Variants in TPRX1 observed in about 807,000 individuals in gnomAD.
The protein encoded by TPRX1 is tetrapeptide repeat homeobox 1, also known as tetra-peptide repeat homeobox protein 1.
Under a neutral mutation model 8.1 loss-of-function variants are expected in TPRX1, and 2 were observed. The ratio of observed to expected loss-of-function variants is 0.25; its 90% CI spans 0.10 to 0.78. TPRX1 has a LOEUF of 0.78. Among genes scored for constraint, TPRX1 ranks in the 30% least tolerant of loss-of-function variants. TPRX1 has a pLI of 0.70. For missense variants in TPRX1, 517 were observed against 586.9 expected (o/e 0.88, Z 1.23); for synonymous variants, 257 against 254.1 (o/e 1.01, Z -0.11).
chr19:47,802,471 T>C, exon 4 of TPRX1: 2 of 1,541,274 alleles, frequency 1.3e-6, no homozygotes, highest in South Asian at 1.2e-5. Context: ...GGTTTGGGCC[T>C]GGGATCGGGC....
rs55970473 is a variant in TPRX1 at position 47,808,449 on chromosome 19, C to T, written c.152-4776G>A. ...ATTTTATTTATTTATTTATTGAGAC[C>T]GAGTCTCGATCTGTCACCCAGACTA... On this transcript the variant is annotated intron_variant, in intron 2 of 3. Coordinates refer to ENST00000535759, the Ensembl canonical transcript of TPRX1. 4.0e-5 allele frequency among the ~76,000 whole-genome samples: 6 copies of T among 149,088 alleles called. No homozygotes were observed. The South Asian group carries it at 8.5e-4, about 21-fold the overall frequency.
rs946051428 is a variant in TPRX1, at chr19:47,813,163, C to A, written c.151+5305G>T. ...AATAATAATAAATAAAACAACCCCC[C>A]CCACCCCGCCAAAATTAGCCAGGCG... On this transcript the variant is annotated intron_variant, in intron 2 of 3. Coordinates refer to ENST00000535759, the Ensembl canonical transcript of TPRX1. Among the ~76,000 whole-genome samples the A allele has an allele frequency of 1.4e-3, 185 of 136,244 alleles. 8 individuals are homozygous for A. Among genetic ancestry groups the A allele is most frequent in the African/African-American group, 4.9e-3 (179 of 36,704 alleles). 89.4% of individuals were successfully genotyped at this position (136,244 alleles called of 152,430 possible). A position where few individuals can be genotyped will look rare whatever the true frequency, so the allele number is the denominator to read the frequency against.
rs1555799989 is a variant in TPRX1 at position 47,815,117 on chromosome 19, T to TATATATATATATATATATATGCAA, written c.151+3350_151+3351insTTGCATATATATATATATATATAT. On this transcript the variant is annotated intron_variant, in intron 2 of 3. Transcript: ENST00000535759. The stretch of plus-strand genomic sequence containing the variant: ...CTTAGCTCAATAAATAGATAAATTA[T>TATATATATATATATATATATGCAA]ATATATATATATATATATATATATA... Among the ~76,000 whole-genome samples, 249 of 70,882 alleles carry TATATATATATATATATATATGCAA rather than the reference T, an allele frequency of 3.5e-3. 6 individuals are homozygous for TATATATATATATATATATATGCAA. Among genetic ancestry groups the TATATATATATATATATATATGCAA allele is most frequent in the African/African-American group, 0.015 (232 of 15,602 alleles). The allele number at this position is 70,882 out of a possible 152,430, so 46.5% of individuals were successfully genotyped here. A position where few individuals can be genotyped will look rare whatever the true frequency, so the allele number is the denominator to read the frequency against.
chr19:47,814,974 T>C (rs1425703761), intron 2 of TPRX1, among the ~76,000 whole-genome samples: 1 of 149,736 alleles, frequency 6.7e-6, no homozygotes, highest in African/African-American at 2.5e-5. Context: ...TAATTTTGTA[T>C]TTTTAGCAGA....
At chr19:47,818,367 T>TCCATCAAC in intron 2 of TPRX1, 1 of 299,534 alleles carries the variant, frequency 3.3e-6, no homozygotes, top group East Asian at 9.0e-5. Context: ...CATCCATCCA[T>TCCATCAAC]CATCCATCAC....
chr19:47,818,388 C>CTCCATACATCCA (rs1967870097), intron 2 of TPRX1: 2 of 341,736 alleles, frequency 5.9e-6, no homozygotes, highest in African/African-American at 5.3e-5. Context: ...CCATCCATCC[C>CTCCATACATCCA]TCCATCCATC....
At chr19:47,805,226 G>A (rs1967724961) in intron 2 of TPRX1, among the ~76,000 whole-genome samples, 1 of 152,170 alleles carries the variant, frequency 6.6e-6, no homozygotes, top group Non-Finnish European at 1.5e-5. Context: ...GTTTCTCCTG[G>A]AGAGTAAATG....
intron 2 of TPRX1, among the ~76,000 whole-genome samples, chr19:47,805,135 C>A (rs959375991): frequency 6.6e-6 from 1 of 152,146 alleles, no homozygotes. Flanking sequence ...ACACATTGGC[C>A]CTGCTGATAA....
chr19:47,807,451 C>T (rs1177096254), intron 2 of TPRX1, among the ~76,000 whole-genome samples: 3 of 152,108 alleles, frequency 2.0e-5, no homozygotes, highest in Non-Finnish European at 4.4e-5. Flanking sequence ...TTGATCTCAG[C>T]TCTGCCTCCT....
At chr19:47,809,491 C>G (rs1172094690) in intron 2 of TPRX1, among the ~76,000 whole-genome samples, 1 of 152,034 alleles carries the variant, frequency 6.6e-6, no homozygotes, top group Non-Finnish European at 1.5e-5. Context: ...CCATGTTACC[C>G]AGGCTGACCT....
chr19:47,807,522 C>A (rs1967745945), intron 2 of TPRX1, among the ~76,000 whole-genome samples: 1 of 151,816 alleles, frequency 6.6e-6, no homozygotes, highest in Non-Finnish European at 1.5e-5. Flanking sequence ...GTGTGTGTTA[C>A]CACACCCAGT....
intron 2 of TPRX1, among the ~76,000 whole-genome samples, chr19:47,817,729 C>T (rs1469055976): frequency 1.3e-5 from 2 of 152,212 alleles, no homozygotes; most frequent in East Asian, 1.9e-4. Context: ...ACTGTATCCA[C>T]TTTGCAGAGG....
At chr19:47,815,131 T>A (rs373009716) in intron 2 of TPRX1, among the ~76,000 whole-genome samples, 4 of 111,490 alleles carry the variant, frequency 3.6e-5, no homozygotes, top group Non-Finnish European at 5.4e-5. Flanking sequence ...TATATATATA[T>A]ATATATATAT....
At chr19:47,818,380 A>ATCCCTCCC (rs1967869668) in intron 2 of TPRX1, 1 of 364,922 alleles carries the variant, frequency 2.7e-6, no homozygotes, top group African/African-American at 3.6e-5. Flanking sequence ...TCCATCACCC[A>ATCCCTCCC]TCCATCCCTC....
intron 2 of TPRX1, among the ~76,000 whole-genome samples, chr19:47,808,704 C>T (rs1967757527): frequency 6.6e-6 from 1 of 151,532 alleles, no homozygotes; most frequent in African/African-American, 2.4e-5. Context: ...GATCCGCGCA[C>T]CTTGGCCTCC....
chr19:47,818,416 C>G (rs796299220), intron 2 of TPRX1: 1 of 378,972 alleles, frequency 2.6e-6, no homozygotes, highest in Non-Finnish European at 5.2e-6. Flanking sequence ...CCATCCATCC[C>G]TCCGTCCATC....
rs201060804 is a variant in TPRX1 at position 47,815,163 on chromosome 19, T to TATGCAAATATATATATATATATATATA, written c.151+3304_151+3305insTATATATATATATATATATATTTGCAT. 2.8e-4 allele frequency among the ~76,000 whole-genome samples: 24 copies of TATGCAAATATATATATATATATATATA among 86,276 alleles called. 1 individual carries two copies. The highest frequency in any genetic ancestry group is 6.8e-4 in the African/African-American group (12 of 17,742). 56.6% of individuals were successfully genotyped at this position (86,276 alleles called of 152,430 possible). ...ATATATGCAAATATATATATATATATTTTTTTTTTTTGAGACAGTCTTGCT... is the reference window on the plus strand; with the variant it reads ...ATATATGCAAATATATATATATATATATGCAAATATATATATATATATATATATTTTTTTTTTTGAGACAGTCTTGCT... On this transcript the variant is annotated intron_variant, in intron 2 of 3. Coordinates refer to ENST00000535759, the Ensembl canonical transcript of TPRX1.
intron 2 of TPRX1, among the ~76,000 whole-genome samples, chr19:47,813,085 C>T (rs927131969): frequency 4.1e-4 from 60 of 147,534 alleles, no homozygotes; most frequent in African/African-American, 1.3e-3. Flanking sequence ...CCAGCCTGGG[C>T]GACAGAGTGA....
chr19:47,802,808 G>C, exon 4 of TPRX1: 1 of 1,601,676 alleles, frequency 6.2e-7, no homozygotes, highest in Non-Finnish European at 8.5e-7. Flanking sequence ...GCAGATCGTG[G>C]GTTCCGCCGC....
Sources: allele counts gnomAD v4.1 joint callset (sites outside exome capture counted in the v4.1 genomes callset), GRCh38; gene constraint gnomAD v4.1.1; transcripts MANE v1.5; gene names NCBI Gene and HGNC (gene_info 2026-07-23, HGNC 2026-07-21).